PRXL2C: variants seen among roughly 807,000 people sequenced by gnomAD.
PRXL2C encodes peroxiredoxin like 2C.
PRXL2C carries 38 observed loss-of-function variants against 24.9 expected under a neutral mutation model. That is an observed-to-expected ratio of 1.53 (90% CI 1.18 to 2.00). The LOEUF (loss-of-function observed/expected upper bound fraction) is 2.00, where lower values mean the gene tolerates loss of function less well. PRXL2C is among the 30% of genes most tolerant of loss of function. The pLI is 0.00. For missense variants in PRXL2C, 294 were observed against 290.9 expected (o/e 1.01, Z -0.08); for synonymous variants, 98 against 117.2 (o/e 0.84, Z 1.06).
intron 5 of PRXL2C, among the ~76,000 whole-genome samples, chr9:96,643,250 C>CT (rs1848144007): frequency 1.4e-5 from 2 of 147,858 alleles, no homozygotes; most frequent in South Asian, 4.2e-4. Context: ...TTCTTCTTTA[C>CT]TTATTTATTT....
chr9:96,655,105 C>CACGGCGCGGCGCTCCCGGA lies in PRXL2C; in HGVS notation c.158_176dup (p.Val60ProfsTer52). 1 of 1,440,462 alleles carries CACGGCGCGGCGCTCCCGGA rather than the reference C, an allele frequency of 6.9e-7. No homozygotes were observed. Among genetic ancestry groups the CACGGCGCGGCGCTCCCGGA allele is most frequent in the East Asian group, 3.1e-5 (1 of 31,982 alleles). The allele number at this position is 1,440,462 out of a possible 1,614,324, so 89.2% of individuals were successfully genotyped here. ...GCCCGCTCACCCGCACGAACACCAC[C>CACGGCGCGGCGCTCCCGGA]ACGGCGCGGCGCTCCCGGAACAGCG... On this transcript the variant is annotated frameshift_variant, in exon 1 of 6. Coordinates refer to ENST00000375234, the MANE Select transcript of PRXL2C (RefSeq NM_153698.2). LOFTEE classifies it high-confidence loss of function.
intron 1 of PRXL2C, 81 bp downstream of exon 1, chr9:96,655,009 A>G (rs1281286938): frequency 1.4e-6 from 2 of 1,386,834 alleles, no homozygotes; most frequent in African/African-American, 1.5e-5. Context: ...CGTCCTAAGA[A>G]GCAGGAGGCG....
intron 4 of PRXL2C, among the ~76,000 whole-genome samples, chr9:96,646,611 C>T (rs1848203941): frequency 1.3e-5 from 2 of 152,112 alleles, no homozygotes; most frequent in African/African-American, 4.8e-5. Context: ...ATGTTATAAA[C>T]AATGAATGAA....
At chr9:96,643,310 A>AT (rs1312764072) in intron 5 of PRXL2C, among the ~76,000 whole-genome samples, 3 of 152,054 alleles carry the variant, frequency 2.0e-5, no homozygotes, top group Non-Finnish European at 4.4e-5. Context: ...CAGTGGTGTG[A>AT]TTTTGGCTCA....
chr9:96,652,133 G>A (rs1848276552), intron 2 of PRXL2C, among the ~76,000 whole-genome samples: 1 of 152,216 alleles, frequency 6.6e-6, no homozygotes, highest in Non-Finnish European at 1.5e-5. Flanking sequence ...CAGATTGAGA[G>A]AAAATATCTG....
At chr9:96,646,125 A>ATGGT in intron 4 of PRXL2C, 101 bp from the exon 5 acceptor site, 6 of 1,264,210 alleles carry the variant, frequency 4.7e-6, no homozygotes, top group Non-Finnish European at 6.4e-6. Context: ...CCTTTAAAGA[A>ATGGT]TGGTTTCTCA....
At chr9:96,644,699 G>C (rs1279670017) in intron 5 of PRXL2C, among the ~76,000 whole-genome samples, 7 of 151,030 alleles carry the variant, frequency 4.6e-5, no homozygotes, top group Non-Finnish European at 7.4e-5. Context: ...GGGCTGGTCT[G>C]GAACTCCTGG....
chr9:96,651,310 A>C, intron 4 of PRXL2C, 80 bp downstream of exon 4: 1 of 1,030,752 alleles, frequency 9.7e-7, no homozygotes, highest in Non-Finnish European at 1.4e-6. Flanking sequence ...TTATGAATTG[A>C]CCATGTTTCC....
chr9:96,654,935 G>C, intron 1 of PRXL2C, 155 bp downstream of exon 1: 2 of 1,191,564 alleles, frequency 1.7e-6, no homozygotes, highest in Non-Finnish European at 2.2e-6. Flanking sequence ...CCTCGCCCTC[G>C]CCCTCTCCCT....
At chr9:96,654,934 C>A in intron 1 of PRXL2C, 156 bp downstream of exon 1, 1 of 1,192,262 alleles carries the variant, frequency 8.4e-7, no homozygotes, top group Non-Finnish European at 1.1e-6. Context: ...GCCTCGCCCT[C>A]GCCCTCTCCC....
At chr9:96,645,657 C>T (rs1220052465) in intron 5 of PRXL2C, among the ~76,000 whole-genome samples, 3 of 151,782 alleles carry the variant, frequency 2.0e-5, no homozygotes, top group Admixed American at 1.3e-4. Flanking sequence ...ATTAGCCGGG[C>T]GTCGTGGCGG....
At chr9:96,642,189 C>T (rs1038702486) in intron 5 of PRXL2C, among the ~76,000 whole-genome samples, 3 of 152,092 alleles carry the variant, frequency 2.0e-5, no homozygotes, top group Non-Finnish European at 4.4e-5. Context: ...TCCTGTCAGA[C>T]GGGCAGAATA....
At position 96,651,490 on chromosome 9, in the gene PRXL2C, A is replaced by G. The variant is rs747964683; in HGVS notation, c.321T>C (p.Phe107=). The change falls in exon 4 of 6, where the codon TTT becomes TTC. Residue 107 remains phenylalanine (F), a synonymous_variant. Coordinates refer to ENST00000375234, the MANE Select transcript of PRXL2C (RefSeq NM_153698.2). ...GQSSYHHIEP[F]CKLTGYSHEI... ...CATGAGAATATCCAGTCAGCTTGCAAAAAGGCTGAAAAGAGAGAATGGTTG... is the reference window on the plus strand; with the variant it reads ...CATGAGAATATCCAGTCAGCTTGCAGAAAGGCTGAAAAGAGAGAATGGTTG... The G allele has an allele frequency of 5.0e-6, 8 of 1,607,348 alleles. No individual in the cohort carries two copies. The South Asian group carries it at 7.9e-5, about 16-fold the overall frequency.
At position 96,641,661 on chromosome 9, in the gene PRXL2C, A is replaced by G; in HGVS notation, c.*98T>C. 1.6e-6 allele frequency: 2 copies of G among 1,246,468 alleles called. No homozygotes were observed. The highest frequency in any genetic ancestry group is 2.1e-6 in the Non-Finnish European group (2 of 946,806). The allele number at this position is 1,246,468 out of a possible 1,614,324, so 77.2% of individuals were successfully genotyped here. A position where few individuals can be genotyped will look rare whatever the true frequency, so the allele number is the denominator to read the frequency against. ...TTCCCTAACTCCTCAAAGGCTGGGAAGGGACAGCAGGTTAGACACTGCACG... is the reference window on the plus strand; with the variant it reads ...TTCCCTAACTCCTCAAAGGCTGGGAGGGGACAGCAGGTTAGACACTGCACG... On this transcript the variant is annotated 3_prime_UTR_variant, in exon 6 of 6. Coordinates refer to ENST00000375234, the MANE Select transcript of PRXL2C (RefSeq NM_153698.2).
rs537484929 is a variant in PRXL2C at position 96,655,225 on chromosome 9, C to T, written c.57G>A (p.Pro19=). 1.5e-3 allele frequency: 1,753 copies of T among 1,152,054 alleles called. 3 individuals are homozygous for T. The highest frequency in any genetic ancestry group is 1.8e-3 in the Non-Finnish European group (1,668 of 938,096). 71.4% of individuals were successfully genotyped at this position (1,152,054 alleles called of 1,614,324 possible). ...GCCCGCTGTCGGGGCCGCTCGGGGC[C>T]GGGACCAGGGCGGCGGCGCCGCTAA... ...RQVSGAAALV[P]APSGPDSGQP... is the part of the protein sequence containing the mutation. Residue 19 remains proline, a synonymous_variant, in exon 1 of 6, where the codon CCG becomes CCA. Transcript: ENST00000375234.
intron 4 of PRXL2C, among the ~76,000 whole-genome samples, chr9:96,647,388 A>G (rs898444393): frequency 1.3e-5 from 2 of 152,154 alleles, no homozygotes; most frequent in Non-Finnish European, 2.9e-5. Context: ...ATTTCCGAAT[A>G]TTTCCAAACA....
At chr9:96,648,715 A>C (rs1848227641) in intron 4 of PRXL2C, among the ~76,000 whole-genome samples, 1 of 152,176 alleles carries the variant, frequency 6.6e-6, no homozygotes, top group Non-Finnish European at 1.5e-5. Flanking sequence ...CCATATCTTT[A>C]TTGTGACAAT....
At chr9:96,647,911 A>C (rs1271726840) in intron 4 of PRXL2C, among the ~76,000 whole-genome samples, 2 of 151,404 alleles carry the variant, frequency 1.3e-5, no homozygotes, top group African/African-American at 4.9e-5. Flanking sequence ...TAAAATGCAA[A>C]AGAAAATTTT....
intron 4 of PRXL2C, 56 bp from the exon 5 acceptor site, chr9:96,646,080 A>G: frequency 6.7e-7 from 1 of 1,490,514 alleles, no homozygotes; most frequent in Non-Finnish European, 9.1e-7. Flanking sequence ...TGATATTAAG[A>G]AGATAATGTA....
Sources: gnomAD v4.1 joint callset for allele counts (sites outside exome capture counted in the v4.1 genomes callset) on GRCh38, gnomAD v4.1.1 for gene constraint, MANE v1.5 for transcripts, NCBI Gene and HGNC (gene_info 2026-07-23, HGNC 2026-07-21) for gene names.